The following FAM120C variants were observed in gnomAD, a reference collection of about 807,000 sequenced individuals.
FAM120C encodes family with sequence similarity 120 member C.
Under a neutral mutation model 71.2 loss-of-function variants are expected in FAM120C, and 14 were observed. The observed-to-expected ratio is 0.20, with a 90% CI of 0.13 to 0.31. The LOEUF (loss-of-function observed/expected upper bound fraction) is 0.31. FAM120C is among the 10% of genes least tolerant of loss of function. FAM120C has a pLI of 1.00. For missense variants in FAM120C, 500 were observed against 879.0 expected, an observed-to-expected ratio of 0.57 and a Z score of 5.45; for synonymous variants, 354 against 353.2, an observed-to-expected ratio of 1.00 and a Z score of -0.03.
rs181753828 is a variant in FAM120C at position 54,082,605 on chromosome X, C to G, written c.2840-1145G>C. On this transcript the variant is annotated intron_variant, in intron 13 of 15. Coordinates refer to ENST00000375180, the MANE Select transcript of FAM120C (RefSeq NM_017848.6). ...TGTATTTTTAGTAGAGACAGGGGTTCACCGTATTGGCCAGGCTGGTCTCGA... is the reference window on the plus strand; with the variant it reads ...TGTATTTTTAGTAGAGACAGGGGTTGACCGTATTGGCCAGGCTGGTCTCGA... Among the ~76,000 whole-genome samples the G allele has an allele frequency of 3.9e-3, 420 of 108,943 alleles. 1 individual carries two copies. Among genetic ancestry groups the G allele is most frequent in the Middle Eastern group, 0.028 (6 of 213 alleles). The allele number at this position is 108,943 out of a possible 115,157, so 94.6% of individuals were successfully genotyped here. A position where few individuals can be genotyped will look rare whatever the true frequency, so the allele number is the denominator to read the frequency against.
chrX:54,080,770 G>A lies in FAM120C; in HGVS notation c.2979-481C>T, dbSNP rs144607371. ...CCAGCTGCTTGGGAGGCTGAGGCAG[G>A]AGAATTGCTTGAACCCCGGAGGTGG... On this transcript the variant is annotated intron_variant, in intron 14 of 15. Transcript: ENST00000375180. 5.9e-3 allele frequency among the ~76,000 whole-genome samples: 637 copies of A among 107,759 alleles called. 8 individuals carry two copies. Among genetic ancestry groups the A allele is most frequent in the African/African-American group, 0.02 (594 of 29,495 alleles). The allele number at this position is 107,759 out of a possible 115,157, so 93.6% of individuals were successfully genotyped here.
At chrX:54,169,830 T>A (rs1476988463) in intron 1 of FAM120C, among the ~76,000 whole-genome samples, 1 of 112,478 alleles carries the variant, frequency 8.9e-6, no homozygotes, top group African/African-American at 3.2e-5. Context: ...CTACTGTTGA[T>A]GCAAATATGC....
At chrX:54,138,414 C>T (rs1354270101) in intron 4 of FAM120C, among the ~76,000 whole-genome samples, 1 of 102,294 alleles carries the variant, frequency 9.8e-6, no homozygotes, top group Non-Finnish European at 2.0e-5. Context: ...GTGGGAGGAT[C>T]GCTTGAGCCT....
intron 10 of FAM120C, among the ~76,000 whole-genome samples, chrX:54,108,201 T>C (rs1557125122): frequency 9.1e-6 from 1 of 109,429 alleles, no homozygotes; most frequent in Non-Finnish European, 1.9e-5. Context: ...TGGCGATATC[T>C]ATCAAGTACC....
intron 13 of FAM120C, among the ~76,000 whole-genome samples, chrX:54,084,230 G>A (rs2066782533): frequency 9.0e-6 from 1 of 111,296 alleles, no homozygotes; most frequent in Non-Finnish European, 1.9e-5. Context: ...CATAAAGAAC[G>A]GAGAAAGGAT....
chrX:54,126,802 C>A (rs1243258447), intron 9 of FAM120C, among the ~76,000 whole-genome samples: 1 of 113,367 alleles, frequency 8.8e-6, no homozygotes, highest in Non-Finnish European at 1.9e-5. Flanking sequence ...TCGGCCTTGG[C>A]CATGGCATGT....
intron 10 of FAM120C, among the ~76,000 whole-genome samples, chrX:54,113,551 G>C (rs1417899515): frequency 9.0e-6 from 1 of 110,799 alleles, no homozygotes; most frequent in African/African-American, 3.3e-5. Flanking sequence ...AGAAATAAGA[G>C]TAAACAAACA....
rs782055333 is a variant in FAM120C at position 54,135,042 on chromosome X, G to A, written c.1405C>T (p.Leu469Phe). 8.3e-7 allele frequency: 1 copy of A among 1,211,049 alleles called. No individual in the cohort carries two copies. Among genetic ancestry groups the A allele is most frequent in the Admixed American group, 2.2e-5 (1 of 46,027 alleles). Residue 469 changes from leucine to phenylalanine, a missense_variant, in exon 7 of 16, where the codon CTC (leucine) becomes TTC (phenylalanine). Leu to Phe is a conservative substitution (Grantham distance 22, BLOSUM62 0). Coordinates refer to ENST00000375180, the MANE Select transcript of FAM120C (RefSeq NM_017848.6). ...TCCCCCAAAGCATGGGAGGAGAAGA[G>A]AAGAGATGAGTTGGGTCCCACTGGG... ...PFPVGPNSSL[L>F]FSSHALGESH... is the part of the protein sequence containing the mutation.
In FAM120C at chrX:54,177,910, T is replaced by C. The variant is rs146514844; in HGVS notation, c.699+4590A>G. On this transcript the variant is annotated intron_variant, in intron 1 of 15. Transcript: ENST00000375180. Reference sequence around the variant, plus strand: ...GCTGAATTATGAAATCCAAGGAAGATAGTTCAAGAATAGGATGGCTTGATA... The same window carrying C: ...GCTGAATTATGAAATCCAAGGAAGACAGTTCAAGAATAGGATGGCTTGATA... Among the ~76,000 whole-genome samples, 772 of 111,323 alleles carry C rather than the reference T, an allele frequency of 6.9e-3. 6 individuals carry two copies. Among genetic ancestry groups the C allele is most frequent in the Middle Eastern group, 0.019 (4 of 215 alleles).
At chrX:54,160,908 G>C (rs1022834052) in intron 1 of FAM120C, among the ~76,000 whole-genome samples, 5 of 111,050 alleles carry the variant, frequency 4.5e-5, no homozygotes, top group Admixed American at 9.7e-5. Flanking sequence ...CATTTAAGTT[G>C]GAATGGTAGT....
At chrX:54,159,252 C>T (rs1017557957) in intron 2 of FAM120C, 118 bp downstream of exon 2, 98 of 921,086 alleles carry the variant, frequency 1.1e-4, no homozygotes, top group Middle Eastern at 3.1e-4. Context: ...CAGTGTTTAG[C>T]GTGAAGACTT....
intron 4 of FAM120C, among the ~76,000 whole-genome samples, chrX:54,150,726 C>T (rs1258931010): frequency 1.8e-5 from 2 of 111,541 alleles, no homozygotes; most frequent in Non-Finnish European, 3.8e-5. Context: ...TCTAAATTTT[C>T]TAGAATGGGC....
chrX:54,105,742 C>T (rs1329647883), intron 10 of FAM120C, among the ~76,000 whole-genome samples: 4 of 111,517 alleles, frequency 3.6e-5, no homozygotes, highest in South Asian at 3.8e-4. Context: ...GTGCAAAAAT[C>T]GCAAGCATTC....
chrX:54,082,376 T>C (rs1557121434), intron 13 of FAM120C, among the ~76,000 whole-genome samples: 1 of 110,569 alleles, frequency 9.0e-6, no homozygotes, highest in Non-Finnish European at 1.9e-5. Flanking sequence ...TGTCTTAACA[T>C]CTAGTTATTG....
chrX:54,118,102 A>C (rs1236485249), intron 9 of FAM120C, among the ~76,000 whole-genome samples: 1 of 109,786 alleles, frequency 9.1e-6, no homozygotes, highest in Non-Finnish European at 1.9e-5. Flanking sequence ...GCATGCCTGT[A>C]ATCCCAGCTA....
intron 1 of FAM120C, among the ~76,000 whole-genome samples, chrX:54,159,982 G>A (rs781913584): frequency 9.1e-6 from 1 of 109,818 alleles, no homozygotes; most frequent in African/African-American, 3.3e-5. Context: ...CACAGACAGC[G>A]TTTGTGTTTA....
intron 3 of FAM120C, among the ~76,000 whole-genome samples, chrX:54,153,619 G>A (rs1557133293): frequency 9.4e-6 from 1 of 106,895 alleles, no homozygotes; most frequent in Non-Finnish European, 1.9e-5. Context: ...TCAGGCTGGA[G>A]TGCAGTGGCA....
At chrX:54,100,444 G>A (rs1314168195) in intron 10 of FAM120C, among the ~76,000 whole-genome samples, 2 of 111,456 alleles carry the variant, frequency 1.8e-5, no homozygotes, top group Admixed American at 9.6e-5. Context: ...AGTGAGCCGG[G>A]ATTGTGCAAC....
intron 10 of FAM120C, among the ~76,000 whole-genome samples, chrX:54,105,658 C>A (rs2066902985): frequency 8.9e-6 from 1 of 111,752 alleles, no homozygotes; most frequent in South Asian, 3.7e-4. Flanking sequence ...ATTTAGAAAA[C>A]CCCATCATCT....
Sources: allele counts gnomAD v4.1 joint callset (sites outside exome capture counted in the v4.1 genomes callset), GRCh38; gene constraint gnomAD v4.1.1; transcripts MANE v1.5; gene names NCBI Gene and HGNC (gene_info 2026-07-23, HGNC 2026-07-21).